STX2: variants seen among roughly 807,000 people sequenced by gnomAD.
STX2 encodes syntaxin-2.
Under a neutral mutation model 40.6 loss-of-function variants are expected in STX2, and 27 were observed. The observed-to-expected ratio is 0.66, with a 90% CI of 0.49 to 0.92. The LOEUF (loss-of-function observed/expected upper bound fraction) is 0.92. Ranked by LOEUF, STX2 falls within the 40% of genes least tolerant of loss-of-function variation. The pLI is 0.00. For missense variants in STX2, 328 were observed against 366.1 expected (o/e 0.90, Z 0.85); for synonymous variants, 123 against 119.1 (o/e 1.03, Z -0.22).
rs1386124371 is a variant in STX2, at chr12:130,790,966, C to T, written c.*1057G>A. The T allele has an allele frequency of 6.6e-6, 1 of 152,520 alleles. No homozygotes were observed. The highest frequency in any genetic ancestry group is 1.5e-5 in the Non-Finnish European group (1 of 68,024). 9.4% of individuals were successfully genotyped at this position (152,520 alleles called of 1,614,324 possible). A position where few individuals can be genotyped will look rare whatever the true frequency, so the allele number is the denominator to read the frequency against. On this transcript the variant is annotated 3_prime_UTR_variant, in exon 11 of 11. Coordinates refer to ENST00000392373, the MANE Select transcript of STX2 (RefSeq NM_194356.4). The stretch of plus-strand genomic sequence containing the variant: ...CAATGTTTTCCGTGACAATGGGAAA[C>T]TTTAAACAACTGTACAAAGGTGGCT...
intron 10 of STX2, among the ~76,000 whole-genome samples, chr12:130,795,482 ATGTC>A (rs1366666598): frequency 6.6e-6 from 1 of 152,244 alleles, no homozygotes; most frequent in Non-Finnish European, 1.5e-5. Flanking sequence ...ACAGTGGCTC[ATGTC>A]TATGTATAAT....
At chr12:130,800,280 C>A (rs971211977) in intron 8 of STX2, among the ~76,000 whole-genome samples, 4 of 151,498 alleles carry the variant, frequency 2.6e-5, no homozygotes, top group Non-Finnish European at 4.4e-5. Flanking sequence ...TATATACATA[C>A]ATACATATAT....
chr12:130,818,185 A>AATATATATATATATATATAT lies in STX2; in HGVS notation c.205+3484_205+3503dup, dbSNP rs1168152790. On this transcript the variant is annotated intron_variant, in intron 3 of 10. Transcript: ENST00000392373. ...GCTGTTTCTACAAAAAAAAAAAAAA[A>AATATATATATATATATATAT]ATATATATATATATATATATATATA... Among the ~76,000 whole-genome samples the AATATATATATATATATATAT allele has an allele frequency of 4.5e-4, 32 of 70,508 alleles. 1 individual carries two copies. Among genetic ancestry groups the AATATATATATATATATATAT allele is most frequent in the African/African-American group, 1.4e-3 (12 of 8,410 alleles). The allele number at this position is 70,508 out of a possible 152,430, so 46.3% of individuals were successfully genotyped here.
rs140989438 is a variant in STX2, at chr12:130,795,513, G to C, written c.*45+482C>G. Among the ~76,000 whole-genome samples, 740 of 152,244 alleles carry C rather than the reference G, an allele frequency of 4.9e-3. 2 individuals carry two copies. Among genetic ancestry groups the C allele is most frequent in the African/African-American group, 0.017 (703 of 41,528 alleles). On this transcript the variant is annotated intron_variant, in intron 10 of 10. Transcript: ENST00000392373. ...ATGTATAATCCCAGCACTTTGGGAG[G>C]CTGAGGGCCAGGAATTCGAGACCAG...
intron 1 of STX2, among the ~76,000 whole-genome samples, chr12:130,828,136 T>C (rs1051031785): frequency 2.0e-5 from 3 of 152,194 alleles, no homozygotes; most frequent in African/African-American, 4.8e-5. Flanking sequence ...TATTTATCAG[T>C]GTTTTATAAG....
At chr12:130,830,599 A>G (rs1220594612) in intron 1 of STX2, among the ~76,000 whole-genome samples, 1 of 152,234 alleles carries the variant, frequency 6.6e-6, no homozygotes, top group Non-Finnish European at 1.5e-5. Context: ...CTTGACTTAT[A>G]TGTCTTATTT....
chr12:130,833,621 G>A (rs1298199476), intron 1 of STX2, among the ~76,000 whole-genome samples: 18 of 152,100 alleles, frequency 1.2e-4, no homozygotes, highest in Admixed American at 1.2e-3. Flanking sequence ...CTGTTGGCCA[G>A]GCTGATCTAG....
intron 6 of STX2, among the ~76,000 whole-genome samples, chr12:130,802,756 A>T (rs1390457960): frequency 6.6e-6 from 1 of 152,080 alleles, no homozygotes; most frequent in Non-Finnish European, 1.5e-5. Context: ...TTGGCTTCCC[A>T]ACCAACACGC....
At chr12:130,816,211 G>T (rs952938718) in intron 3 of STX2, among the ~76,000 whole-genome samples, 1 of 152,226 alleles carries the variant, frequency 6.6e-6, no homozygotes, top group Admixed American at 6.5e-5. Context: ...AGGACGACTA[G>T]ACTCGGGAGA....
At chr12:130,810,210 G>T (rs1951596248) in intron 4 of STX2, among the ~76,000 whole-genome samples, 1 of 152,172 alleles carries the variant, frequency 6.6e-6, no homozygotes, top group Non-Finnish European at 1.5e-5. Context: ...ATAATTATGT[G>T]TCAGTGAGAA....
chr12:130,803,684 A>AAC (rs1951316654), intron 6 of STX2, among the ~76,000 whole-genome samples: 1 of 126,676 alleles, frequency 7.9e-6, no homozygotes, highest in African/African-American at 3.0e-5. Context: ...AAAAAAAAAA[A>AAC]AAAAACAAAC....
At chr12:130,827,683 G>T (rs567250196) in intron 1 of STX2, among the ~76,000 whole-genome samples, 1 of 152,256 alleles carries the variant, frequency 6.6e-6, no homozygotes, top group Non-Finnish European at 1.5e-5. Context: ...GGAGGCTGAG[G>T]GGGGCAGAAT....
At chr12:130,804,741 G>A (rs1951364732) in intron 6 of STX2, among the ~76,000 whole-genome samples, 1 of 151,474 alleles carries the variant, frequency 6.6e-6, no homozygotes, top group Non-Finnish European at 1.5e-5. Flanking sequence ...ATAGCCACAT[G>A]GAGGGTTTAG....
chr12:130,817,711 A>G (rs1951913444), intron 3 of STX2, among the ~76,000 whole-genome samples: 1 of 152,192 alleles, frequency 6.6e-6, no homozygotes, highest in African/African-American at 2.4e-5. Flanking sequence ...AGCTCTAATT[A>G]GCTGACAAAA....
intron 4 of STX2, among the ~76,000 whole-genome samples, chr12:130,811,536 C>CTTTTTTTTTT (rs71088788): frequency 1.0e-5 from 1 of 95,558 alleles, no homozygotes; most frequent in Non-Finnish European, 2.0e-5. Context: ...CCATTAACAT[C>CTTTTTTTTTT]TTTTTTTTTT....
rs141510093 is a variant in STX2 at position 130,823,509 on chromosome 12, G to A, written c.106-1721C>T. Among the ~76,000 whole-genome samples, 773 of 152,310 alleles carry A rather than the reference G, an allele frequency of 5.1e-3. 1 individual carries two copies. Among genetic ancestry groups the A allele is most frequent in the African/African-American group, 0.018 (728 of 41,570 alleles). ...AACGTAACCACAGGATTCCTTATAA[G>A]ACGAGGCAAGGGAGCCAACGTTGGA... On this transcript the variant is annotated intron_variant, in intron 2 of 10. Coordinates refer to ENST00000392373, the MANE Select transcript of STX2 (RefSeq NM_194356.4).
intron 8 of STX2, 24 bp downstream of exon 8, chr12:130,801,129 G>A (rs1355434542): frequency 1.6e-5 from 26 of 1,593,152 alleles, no homozygotes; most frequent in Middle Eastern, 1.7e-4. Flanking sequence ...ATCTCTCTTG[G>A]AGAATGCAAG....
rs138757791 is a variant in STX2, at chr12:130,827,223, T to C, written c.75A>G (p.Lys25=). 1.9e-6 allele frequency: 3 copies of C among 1,613,826 alleles called. No homozygotes were observed. The African/African-American group carries it at 4.0e-5, about 22-fold the overall frequency. The change falls in exon 2 of 11, where the codon AAA becomes AAG. Residue 25 remains lysine, a synonymous_variant. Coordinates refer to ENST00000392373, the MANE Select transcript of STX2 (RefSeq NM_194356.4). ...GGAAGAAATCATCCATGAAATGATC[T>C]TTCTCAACCACAACAACTGTGTCTC... ...DDGDTVVVVE[K]DHFMDDFFHQ... is the part of the protein sequence containing the mutation.
Position 130,798,511 on chromosome 12 carries a change from G to T in STX2, c.786+14C>A, listed in dbSNP as rs551481345. 12 of 1,575,640 alleles carry T rather than the reference G, an allele frequency of 7.6e-6. No individual in the cohort carries two copies. Among genetic ancestry groups the T allele is most frequent in the African/African-American group, 1.4e-5 (1 of 72,320 alleles). On this transcript the variant is annotated intron_variant, in intron 9 of 10. Transcript: ENST00000392373. The stretch of plus-strand genomic sequence containing the variant: ...AGAGAAAAACGCAGCTTAATTCTTC[G>T]AAGCCAAACTCACCCTTCTTGCCTT...
Sources: allele counts gnomAD v4.1 joint callset (sites outside exome capture counted in the v4.1 genomes callset), GRCh38; gene constraint gnomAD v4.1.1; transcripts MANE v1.5; gene names NCBI Gene and HGNC (gene_info 2026-07-23, HGNC 2026-07-21).